The following ROBO1 variants were observed in gnomAD, a reference collection of about 807,000 sequenced individuals.
The protein encoded by ROBO1 is roundabout guidance receptor 1.
Under a neutral mutation model 195.9 loss-of-function variants are expected in ROBO1, and 149 were observed. The observed-to-expected ratio is 0.76, with a 90% CI of 0.67 to 0.87. The LOEUF (loss-of-function observed/expected upper bound fraction) is 0.87. Ranked by LOEUF, ROBO1 falls within the 40% of genes least tolerant of loss-of-function variation. The pLI is 0.00. For synonymous variants in ROBO1, 816 were observed against 733.2 expected, an observed-to-expected ratio of 1.11 and a Z score of -1.82; for missense variants, 1,933 against 2,068.3, an observed-to-expected ratio of 0.93 and a Z score of 1.27.
chr3:79,573,833 G>T (rs761761637), intron 2 of ROBO1, among the ~76,000 whole-genome samples: 1 of 152,042 alleles, frequency 6.6e-6, no homozygotes, highest in Non-Finnish European at 1.5e-5. Flanking sequence ...CCCAAGATAT[G>T]ATAATTTTAA....
rs1361408453 is a variant in ROBO1, at chr3:78,598,805, G to C, written c.*108C>G. ...ATAAGAGGAATAAAAACGACAATTT[G>C]TACACTCTGATTGCACTGAACATTT... is the stretch of plus-strand genomic sequence containing the variant. On this transcript the variant is annotated 3_prime_UTR_variant, in exon 31 of 31. Coordinates refer to ENST00000464233, the MANE Select transcript of ROBO1 (RefSeq NM_002941.4). The C allele has an allele frequency of 1.5e-6, 1 of 665,052 alleles. No individual in the cohort carries two copies. Among genetic ancestry groups the C allele is most frequent in the Non-Finnish European group, 2.6e-6 (1 of 391,994 alleles). 41.2% of individuals were successfully genotyped at this position (665,052 alleles called of 1,614,324 possible). A position where few individuals can be genotyped will look rare whatever the true frequency, so the allele number is the denominator to read the frequency against.
At chr3:79,576,871 G>A (rs1943504251) in intron 2 of ROBO1, among the ~76,000 whole-genome samples, 1 of 152,168 alleles carries the variant, frequency 6.6e-6, no homozygotes, top group Non-Finnish European at 1.5e-5. Flanking sequence ...TTATTCTATA[G>A]TTTGTAGAGC....
Position 79,362,158 on chromosome 3 carries a change from T to G in ROBO1, c.88+227666A>C, listed in dbSNP as rs1193023770. On this transcript the variant is annotated intron_variant, in intron 2 of 30. Coordinates refer to ENST00000464233, the MANE Select transcript of ROBO1 (RefSeq NM_002941.4). ...TAATTATTATTAATTAACGAGGAAT[T>G]ATGTGTATCTAAGACACAGACAACA... Among the ~76,000 whole-genome samples, 5 of 152,114 alleles carry G rather than the reference T, an allele frequency of 3.3e-5. No homozygotes were observed. The East Asian group carries it at 9.6e-4, about 29-fold the overall frequency.
intron 2 of ROBO1, among the ~76,000 whole-genome samples, chr3:79,476,973 ATATCT>A (rs1428573473): frequency 6.6e-6 from 1 of 152,062 alleles, no homozygotes; most frequent in Non-Finnish European, 1.5e-5. Context: ...GGTAATGAAA[ATATCT>A]TGTCTATGTT....
rs567917537 is a variant in ROBO1 at position 79,719,800 on chromosome 3, T to G, written c.-51+47952A>C. Among the ~76,000 whole-genome samples the G allele has an allele frequency of 1.6e-3, 242 of 152,278 alleles. 1 individual carries two copies. Among genetic ancestry groups the G allele is most frequent in the African/African-American group, 5.4e-3 (225 of 41,566 alleles). On this transcript the variant is annotated intron_variant, in intron 1 of 30. Coordinates refer to ENST00000464233, the MANE Select transcript of ROBO1 (RefSeq NM_002941.4). Reference sequence around the variant, plus strand: ...ATTTATATTAATAAAACAAATACTTTTGTTGTTTATTAAAAATTAATGAAA... The same window carrying G: ...ATTTATATTAATAAAACAAATACTTGTGTTGTTTATTAAAAATTAATGAAA...
At chr3:78,789,788 T>C (rs1444597041) in intron 4 of ROBO1, among the ~76,000 whole-genome samples, 1 of 152,186 alleles carries the variant, frequency 6.6e-6, no homozygotes, top group Non-Finnish European at 1.5e-5. Context: ...TCTATACTTT[T>C]GAGAAAAAAC....
chr3:79,678,512 C>T (rs998567258), intron 1 of ROBO1, among the ~76,000 whole-genome samples: 3 of 151,926 alleles, frequency 2.0e-5, no homozygotes, highest in Non-Finnish European at 2.9e-5. Flanking sequence ...TTTGTAGACA[C>T]TTTAAAGAAT....
At chr3:78,664,631 T>C (rs2107684706) in intron 14 of ROBO1, among the ~76,000 whole-genome samples, 1 of 152,380 alleles carries the variant, frequency 6.6e-6, no homozygotes, top group Non-Finnish European at 1.5e-5. Context: ...ACCTGTGCCC[T>C]ATATCTGTGC....
chr3:79,425,929 A>G (rs1286902064), intron 2 of ROBO1, among the ~76,000 whole-genome samples: 1 of 152,108 alleles, frequency 6.6e-6, no homozygotes, highest in African/African-American at 2.4e-5. Flanking sequence ...CTCATTCCAC[A>G]TTGTGGCTTC....
intron 2 of ROBO1, among the ~76,000 whole-genome samples, chr3:79,149,128 C>A (rs1455610350): frequency 6.6e-6 from 1 of 151,860 alleles, no homozygotes; most frequent in African/African-American, 2.4e-5. Context: ...TAAATCAGGG[C>A]CTTTGCCCCA....
chr3:78,963,494 G>GT (rs750158094), intron 3 of ROBO1, among the ~76,000 whole-genome samples: 28,402 of 70,230 alleles, frequency 0.4, 8,962 homozygotes, highest in East Asian at 0.56. Context: ...AAAACCTTCA[G>GT]TTTTTTTTTT....
chr3:79,147,567 G>T (rs2080678533), intron 2 of ROBO1, among the ~76,000 whole-genome samples: 1 of 151,946 alleles, frequency 6.6e-6, no homozygotes, highest in South Asian at 2.1e-4. Context: ...AGGAAATTGG[G>T]TGTTAGGGAG....
At chr3:79,544,887 T>C (rs1416783370) in intron 2 of ROBO1, among the ~76,000 whole-genome samples, 1 of 152,094 alleles carries the variant, frequency 6.6e-6, no homozygotes, top group Non-Finnish European at 1.5e-5. Flanking sequence ...GGTTTCTTTT[T>C]TCTCTAAAAA....
chr3:79,255,964 A>G (rs562461582), intron 2 of ROBO1, among the ~76,000 whole-genome samples: 1 of 152,290 alleles, frequency 6.6e-6, no homozygotes, highest in South Asian at 2.1e-4. Flanking sequence ...AGGCTCTTTC[A>G]GGATTTAGAA....
chr3:79,138,415 G>T (rs551841715), intron 2 of ROBO1, among the ~76,000 whole-genome samples: 1 of 152,058 alleles, frequency 6.6e-6, no homozygotes, highest in East Asian at 1.9e-4. Context: ...GGACATGAAT[G>T]TTCATGGAAT....
intron 2 of ROBO1, among the ~76,000 whole-genome samples, chr3:79,553,220 A>G (rs1942582754): frequency 6.6e-6 from 1 of 151,996 alleles, no homozygotes; most frequent in Non-Finnish European, 1.5e-5. Flanking sequence ...TTTAATTTGA[A>G]CAAACTCTAA....
At chr3:79,340,147 T>G (rs928119204) in intron 2 of ROBO1, among the ~76,000 whole-genome samples, 1 of 152,196 alleles carries the variant, frequency 6.6e-6, no homozygotes, top group Non-Finnish European at 1.5e-5. Flanking sequence ...GTTATGCCAA[T>G]CTGCTGGCCT....
chr3:79,647,406 G>A (rs1945850985), intron 1 of ROBO1, among the ~76,000 whole-genome samples: 1 of 151,950 alleles, frequency 6.6e-6, no homozygotes, highest in African/African-American at 2.4e-5. Flanking sequence ...CCCTAAACAA[G>A]AGGCAACTGA....
intron 2 of ROBO1, among the ~76,000 whole-genome samples, chr3:79,558,477 G>C (rs529490310): frequency 4.6e-5 from 7 of 152,196 alleles, no homozygotes; most frequent in Admixed American, 3.3e-4. Flanking sequence ...TATTGATAAG[G>C]CTTCTGGTCA....
Sources: gnomAD v4.1 joint callset for allele counts (sites outside exome capture counted in the v4.1 genomes callset) on GRCh38, gnomAD v4.1.1 for gene constraint, MANE v1.5 for transcripts, NCBI Gene and HGNC (gene_info 2026-07-23, HGNC 2026-07-21) for gene names.